The following CEP112 variants were observed in gnomAD, a reference collection of about 807,000 sequenced individuals.
The protein encoded by CEP112 is centrosomal protein of 112 kDa.
Under a neutral mutation model 153.0 loss-of-function variants are expected in CEP112, and 127 were observed. The ratio of observed to expected loss-of-function variants is 0.83; its 90% CI spans 0.72 to 0.96. CEP112 has a LOEUF of 0.96. Among genes scored for constraint, CEP112 ranks in the 40% least tolerant of loss-of-function variants. The pLI is 0.00. For synonymous variants in CEP112, 358 were observed against 374.4 expected (o/e 0.96, Z 0.51); for missense variants, 1,089 against 1,101.2 (o/e 0.99, Z 0.16).
chr17:65,705,914 C>T lies in CEP112; in HGVS notation c.2608-16696G>A, dbSNP rs151086812. Among the ~76,000 whole-genome samples, 822 of 152,210 alleles carry T rather than the reference C, an allele frequency of 5.4e-3. 7 individuals are homozygous for T. The highest frequency in any genetic ancestry group is 0.019 in the African/African-American group (782 of 41,558). On this transcript the variant is annotated intron_variant, in intron 23 of 26. Coordinates refer to ENST00000535342, the MANE Select transcript of CEP112 (RefSeq NM_001199165.4). ...ACAATGGCACTGTGTCTGTGTAAGA[C>T]AATGCCCATGGTTTCTGAGAGGCAT...
chr17:65,832,772 G>A (rs2057139517), intron 21 of CEP112, among the ~76,000 whole-genome samples: 1 of 152,104 alleles, frequency 6.6e-6, no homozygotes, highest in South Asian at 2.1e-4. Context: ...TCTACCAGAT[G>A]TACACAGAAG....
chr17:66,174,895 G>A, intron 4 of CEP112, 149 bp downstream of exon 4: 1 of 467,402 alleles, frequency 2.1e-6, no homozygotes, highest in Non-Finnish European at 3.5e-6. Flanking sequence ...CTATTAAATG[G>A]CTAAAAATAT....
intron 19 of CEP112, among the ~76,000 whole-genome samples, chr17:65,921,775 C>T (rs2060737357): frequency 6.6e-6 from 1 of 151,892 alleles, no homozygotes; most frequent in African/African-American, 2.4e-5. Flanking sequence ...TATCGGTATC[C>T]CTTATTGTGT....
At chr17:66,016,378 C>T (rs2064773588) in intron 16 of CEP112, among the ~76,000 whole-genome samples, 1 of 152,064 alleles carries the variant, frequency 6.6e-6, no homozygotes, top group South Asian at 2.1e-4. Context: ...ACAAAAACCA[C>T]AGGGGCTGTA....
In CEP112 at chr17:65,641,015, T is replaced by G. The variant is rs762187641; in HGVS notation, c.2748A>C (p.Pro916=). Residue 916 remains proline, a synonymous_variant, in exon 25 of 27, where the codon CCA becomes CCC. Coordinates refer to ENST00000535342, the MANE Select transcript of CEP112 (RefSeq NM_001199165.4). ...EYETKLKGLM[P]ASLRQELEDT... Reference sequence around the variant, plus strand: ...CTTCAAGTTCTTGTCTTAGGGATGCTGGCATCAATCCTTTCAATTTTGTTT... The same window carrying G: ...CTTCAAGTTCTTGTCTTAGGGATGCGGGCATCAATCCTTTCAATTTTGTTT... 1.2e-6 allele frequency: 2 copies of G among 1,612,032 alleles called. No individual in the cohort carries two copies.
chr17:65,722,537 C>CCTGT (rs2049947257), intron 23 of CEP112, among the ~76,000 whole-genome samples: 1 of 152,218 alleles, frequency 6.6e-6, no homozygotes, highest in South Asian at 2.1e-4. Flanking sequence ...GCGTGACCCA[C>CCTGT]CATGCCTGGC....
intron 8 of CEP112, among the ~76,000 whole-genome samples, chr17:66,086,964 G>C (rs2067962962): frequency 6.6e-6 from 1 of 152,016 alleles, no homozygotes; most frequent in Non-Finnish European, 1.5e-5. Flanking sequence ...TTTAAATATT[G>C]TGCAATGGAG....
chr17:66,068,337 G>T (rs1454456971), intron 9 of CEP112, among the ~76,000 whole-genome samples: 5 of 152,180 alleles, frequency 3.3e-5, no homozygotes, highest in Middle Eastern at 3.4e-3. Flanking sequence ...TACTCAGGAG[G>T]CTTACAGATC....
chr17:65,821,538 ATATTTTTTTTTTTTTTT>A (rs1479655055), intron 21 of CEP112, among the ~76,000 whole-genome samples: 2,102 of 38,898 alleles, frequency 0.054, 15 homozygotes, highest in Middle Eastern at 0.088. Context: ...ATATATATAT[ATATTTTTTTTTTTTTTT>A]TTTTTTTTTT....
At chr17:65,969,733 C>T (rs920478877) in intron 17 of CEP112, among the ~76,000 whole-genome samples, 1 of 152,184 alleles carries the variant, frequency 6.6e-6, no homozygotes, top group African/African-American at 2.4e-5. Context: ...ATGTGTATTG[C>T]ATGCATACAC....
chr17:65,700,194 C>A (rs2048558967), intron 23 of CEP112, among the ~76,000 whole-genome samples: 1 of 152,110 alleles, frequency 6.6e-6, no homozygotes, highest in South Asian at 2.1e-4. Context: ...TACACTGTGT[C>A]CTTCAGATCA....
At chr17:66,111,384 C>G (rs985519830) in intron 6 of CEP112, among the ~76,000 whole-genome samples, 1 of 152,150 alleles carries the variant, frequency 6.6e-6, no homozygotes, top group Non-Finnish European at 1.5e-5. Flanking sequence ...ATAAATCATT[C>G]TACAGTAGAG....
At chr17:65,816,698 C>T (rs1454983885) in intron 21 of CEP112, among the ~76,000 whole-genome samples, 1 of 151,880 alleles carries the variant, frequency 6.6e-6, no homozygotes, top group Non-Finnish European at 1.5e-5. Flanking sequence ...ATTTGATTGG[C>T]TAATATTTTG....
intron 12 of CEP112, among the ~76,000 whole-genome samples, chr17:66,048,988 C>T (rs1468834550): frequency 1.3e-5 from 2 of 152,174 alleles, no homozygotes; most frequent in Admixed American, 6.5e-5. Context: ...ACCATCTTTC[C>T]CTCCAAATCC....
At chr17:66,172,173 A>T (rs2072272166) in intron 4 of CEP112, among the ~76,000 whole-genome samples, 1 of 152,212 alleles carries the variant, frequency 6.6e-6, no homozygotes, top group Non-Finnish European at 1.5e-5. Flanking sequence ...AATTCCTAAC[A>T]CGTTCCTTCC....
chr17:65,970,382 C>CATGTAAATTACATGCACACATCATGCAT, intron 17 of CEP112, among the ~76,000 whole-genome samples: 1 of 61,184 alleles, frequency 1.6e-5, no homozygotes, highest in Non-Finnish European at 3.8e-5. Context: ...ACACATCATG[C>CATGTAAATTACATGCACACATCATGCAT]ATATATATTA....
At chr17:65,757,058 C>A (rs1391527613) in intron 21 of CEP112, among the ~76,000 whole-genome samples, 2 of 152,088 alleles carry the variant, frequency 1.3e-5, no homozygotes, top group Non-Finnish European at 2.9e-5. Context: ...GAAGAGACAC[C>A]CATCTTTCTC....
At chr17:66,008,964 T>G (rs2064391546) in intron 16 of CEP112, among the ~76,000 whole-genome samples, 1 of 152,202 alleles carries the variant, frequency 6.6e-6, no homozygotes, top group African/African-American at 2.4e-5. Context: ...ATATTTTGGC[T>G]CTTGTGAATA....
At chr17:65,726,992 A>G (rs1422634965) in intron 23 of CEP112, among the ~76,000 whole-genome samples, 2 of 152,216 alleles carry the variant, frequency 1.3e-5, no homozygotes, top group Non-Finnish European at 2.9e-5. Context: ...AAGTATATCC[A>G]GAGATAGATT....
Sources: allele counts gnomAD v4.1 joint callset (sites outside exome capture counted in the v4.1 genomes callset), GRCh38; gene constraint gnomAD v4.1.1; transcripts MANE v1.5; gene names NCBI Gene and HGNC (gene_info 2026-07-23, HGNC 2026-07-21).